The following SPAG16 variants were observed in gnomAD, a reference collection of about 807,000 sequenced individuals.
SPAG16 encodes the protein sperm associated antigen 16.
In SPAG16, 86 loss-of-function variants were observed where a neutral mutation model predicts 80.4. The ratio of observed to expected loss-of-function variants is 1.07; its 90% CI spans 0.90 to 1.28. The LOEUF (loss-of-function observed/expected upper bound fraction) is 1.28, where lower values mean the gene tolerates loss of function less well. SPAG16 is among the 50% of genes most tolerant of loss of function. SPAG16 has a pLI of 0.00. For synonymous variants in SPAG16, 294 were observed against 265.9 expected (o/e 1.11, Z -1.03); for missense variants, 870 against 765.3 (o/e 1.14, Z -1.61).
rs553455717 is a variant in SPAG16 at position 214,012,516 on chromosome 2, G to T, written c.1401-1435G>T. Among the ~76,000 whole-genome samples, 9 of 151,278 alleles carry T rather than the reference G, an allele frequency of 5.9e-5. No homozygotes were observed. In the South Asian group the frequency reaches 1.9e-3, roughly 32 times the overall value. Reference sequence around the variant, plus strand: ...TCACCATGTTGGTCAGGCTGGTCTCGAACACCTGACTTCAGGTGGTCTCCT... The same window carrying T: ...TCACCATGTTGGTCAGGCTGGTCTCTAACACCTGACTTCAGGTGGTCTCCT... On this transcript the variant is annotated intron_variant, in intron 12 of 15. Transcript: ENST00000331683.
At chr2:214,335,446 A>G (rs1697212052) in intron 15 of SPAG16, among the ~76,000 whole-genome samples, 1 of 145,768 alleles carries the variant, frequency 6.9e-6, no homozygotes, top group African/African-American at 2.5e-5. Context: ...GTTTCAAATA[A>G]GCTTTCTAAA....
At position 214,071,565 on chromosome 2, in the gene SPAG16, C is replaced by T. The variant is rs79140467; in HGVS notation, c.1528-36631C>T. Among the ~76,000 whole-genome samples the T allele has an allele frequency of 7.0e-3, 1,059 of 152,158 alleles. 16 individuals are homozygous for T. The highest frequency in any genetic ancestry group is 0.025 in the African/African-American group (1,022 of 41,530). On this transcript the variant is annotated intron_variant, in intron 13 of 15. Coordinates refer to ENST00000331683, the MANE Select transcript of SPAG16 (RefSeq NM_024532.5). Reference sequence around the variant, plus strand: ...TTGAAAAACTAAGGTACTGATTTTTCTATATTAACCCAACATGAACTCCAA... The same window carrying T: ...TTGAAAAACTAAGGTACTGATTTTTTTATATTAACCCAACATGAACTCCAA...
intron 15 of SPAG16, among the ~76,000 whole-genome samples, chr2:214,378,159 C>T (rs1453263960): frequency 6.6e-6 from 1 of 152,144 alleles, no homozygotes; most frequent in Admixed American, 6.6e-5. Flanking sequence ...CACAGCCCTA[C>T]TGATACACTT....
In SPAG16 at chr2:214,218,546, T is replaced by C. The variant is rs531047303; in HGVS notation, c.1720+69280T>C. 2.0e-5 allele frequency among the ~76,000 whole-genome samples: 3 copies of C among 152,320 alleles called. No individual in the cohort carries two copies. In the South Asian group the frequency reaches 6.2e-4, roughly 32 times the overall value. On this transcript the variant is annotated intron_variant, in intron 15 of 15. Transcript: ENST00000331683. The stretch of plus-strand genomic sequence containing the variant: ...CCAGGAAGATCAGAATTCTGGTCTG[T>C]ACTCATTTGGCAGAAGAACCTGGGA...
intron 15 of SPAG16, among the ~76,000 whole-genome samples, chr2:214,379,570 G>A (rs2126104448): frequency 1.3e-5 from 2 of 152,316 alleles, no homozygotes; most frequent in South Asian, 2.1e-4. Flanking sequence ...GTCCTACAGG[G>A]AGGCTAAGAA....
intron 6 of SPAG16, among the ~76,000 whole-genome samples, chr2:213,349,643 C>CT (rs2125037728): frequency 6.6e-6 from 1 of 152,210 alleles, no homozygotes; most frequent in East Asian, 1.9e-4. Context: ...AAAATCCACT[C>CT]AAGTTTTCAT....
chr2:213,792,336 C>T (rs144444036), intron 10 of SPAG16, among the ~76,000 whole-genome samples: 1 of 152,276 alleles, frequency 6.6e-6, no homozygotes, highest in African/African-American at 2.4e-5. Flanking sequence ...AGTTGTGCCT[C>T]CCTCAGTGTG....
At chr2:213,948,459 C>G (rs2079566354) in intron 12 of SPAG16, among the ~76,000 whole-genome samples, 1 of 152,150 alleles carries the variant, frequency 6.6e-6, no homozygotes, top group Admixed American at 6.5e-5. Context: ...AAAATTCTCT[C>G]TCTCACTCTC....
chr2:214,317,541 C>A (rs1417560189), intron 15 of SPAG16, among the ~76,000 whole-genome samples: 1 of 152,174 alleles, frequency 6.6e-6, no homozygotes, highest in East Asian at 1.9e-4. Context: ...CTTTAGACTA[C>A]AAACATACTA....
intron 12 of SPAG16, among the ~76,000 whole-genome samples, chr2:213,951,360 A>G (rs571748161): frequency 4.6e-5 from 7 of 152,310 alleles, no homozygotes; most frequent in East Asian, 1.9e-4. Context: ...AAATTCATCT[A>G]AGAATAGCAA....
At chr2:214,127,568 C>T (rs948924548) in intron 14 of SPAG16, among the ~76,000 whole-genome samples, 6 of 151,834 alleles carry the variant, frequency 4.0e-5, no homozygotes, top group African/African-American at 1.4e-4. Context: ...CAAAGATTCA[C>T]CTGTATGTAT....
At chr2:214,080,442 CAA>C (rs11346646) in intron 13 of SPAG16, among the ~76,000 whole-genome samples, 1,513 of 136,870 alleles carry the variant, frequency 0.011, 21 homozygotes, top group African/African-American at 0.03. Context: ...ACTAAAAATA[CAA>C]AAAAAAAAAA....
chr2:213,936,125 C>T (rs372058483), intron 12 of SPAG16, among the ~76,000 whole-genome samples: 1 of 151,936 alleles, frequency 6.6e-6, no homozygotes, highest in South Asian at 2.1e-4. Flanking sequence ...AATCAGCAAG[C>T]CAAGCAGATA....
At chr2:213,487,144 A>G (rs1258096406) in intron 9 of SPAG16, among the ~76,000 whole-genome samples, 1 of 152,088 alleles carries the variant, frequency 6.6e-6, no homozygotes, top group Non-Finnish European at 1.5e-5. Context: ...TTTCACATAG[A>G]AAGCTTTAAA....
At chr2:213,547,766 C>T (rs532417641) in intron 10 of SPAG16, among the ~76,000 whole-genome samples, 8 of 152,102 alleles carry the variant, frequency 5.3e-5, no homozygotes, top group East Asian at 1.9e-4. Flanking sequence ...TCGTATCCTT[C>T]GGAGGATTCA....
chr2:214,302,198 T>C (rs1694601417), intron 15 of SPAG16, among the ~76,000 whole-genome samples: 1 of 152,186 alleles, frequency 6.6e-6, no homozygotes, highest in Non-Finnish European at 1.5e-5. Flanking sequence ...TATAGGCAAA[T>C]ATGTAATTAT....
At chr2:214,365,035 G>T (rs1699390642) in intron 15 of SPAG16, among the ~76,000 whole-genome samples, 2 of 152,128 alleles carry the variant, frequency 1.3e-5, no homozygotes, top group East Asian at 3.9e-4. Context: ...AGAATGGTAA[G>T]GAGACACATT....
At chr2:213,611,928 C>T (rs1049903387) in intron 10 of SPAG16, among the ~76,000 whole-genome samples, 5 of 152,098 alleles carry the variant, frequency 3.3e-5, no homozygotes, top group African/African-American at 1.2e-4. Flanking sequence ...TCAGAATGTT[C>T]TCCACAATCA....
At chr2:213,380,826 C>G (rs892635032) in intron 9 of SPAG16, among the ~76,000 whole-genome samples, 2 of 152,144 alleles carry the variant, frequency 1.3e-5, no homozygotes, top group Non-Finnish European at 2.9e-5. Context: ...TGCACAGCAG[C>G]CTGGACCTGT....
Sources: allele counts gnomAD v4.1 joint callset (sites outside exome capture counted in the v4.1 genomes callset), GRCh38; gene constraint gnomAD v4.1.1; transcripts MANE v1.5; gene names NCBI Gene and HGNC (gene_info 2026-07-23, HGNC 2026-07-21).